Variants in PRR16 observed in about 807,000 individuals in gnomAD.
The protein encoded by PRR16 is protein Largen.
PRR16 carries 6 observed loss-of-function variants against 18.2 expected under a neutral mutation model. The ratio of observed to expected loss-of-function variants is 0.33; its 90% confidence interval spans 0.18 to 0.65. The LOEUF is 0.65. Among genes scored for constraint, PRR16 ranks in the 30% least tolerant of loss-of-function variants. The pLI is 0.74. For missense variants in PRR16, 412 were observed against 376.6 expected, an observed-to-expected ratio of 1.09 and a Z score of -0.78; for synonymous variants, 151 against 147.8, an observed-to-expected ratio of 1.02 and a Z score of -0.16.
intron 1 of PRR16, among the ~76,000 whole-genome samples, chr5:120,539,559 G>T (rs1283025155): frequency 6.6e-6 from 1 of 151,910 alleles, no homozygotes; most frequent in Non-Finnish European, 1.5e-5. Flanking sequence ...AACCTATCGG[G>T]TATTATACTG....
chr5:120,743,431 T>A, the PRR16 span, among the ~76,000 whole-genome samples: 2 of 152,154 alleles, frequency 1.3e-5, no homozygotes, highest in Non-Finnish European at 2.9e-5. Context: ...TGTGAATGTC[T>A]GCTTAGTTGG....
intron 1 of PRR16, among the ~76,000 whole-genome samples, chr5:120,530,486 T>C (rs1751516575): frequency 6.6e-6 from 1 of 151,588 alleles, no homozygotes; most frequent in African/African-American, 2.4e-5. Context: ...CTCTGTGTAC[T>C]TTTTGTAGTC....
At chr5:120,581,911 T>G (rs1753285363) in intron 1 of PRR16, among the ~76,000 whole-genome samples, 1 of 152,176 alleles carries the variant, frequency 6.6e-6, no homozygotes, top group African/African-American at 2.4e-5. Flanking sequence ...TCTTTTGCAT[T>G]TGCTGAATTT....
At chr5:120,509,059 T>C (rs1225481812) in intron 1 of PRR16, among the ~76,000 whole-genome samples, 1 of 152,164 alleles carries the variant, frequency 6.6e-6, no homozygotes, top group Non-Finnish European at 1.5e-5. Context: ...ATAGGTTGTT[T>C]AGATTATATA....
chr5:120,554,201 G>A (rs1305642407), intron 1 of PRR16, among the ~76,000 whole-genome samples: 1 of 151,794 alleles, frequency 6.6e-6, no homozygotes, highest in Non-Finnish European at 1.5e-5. Context: ...CACCTTGGGA[G>A]GATATTTGCC....
At chr5:120,700,011 T>A in the PRR16 span, among the ~76,000 whole-genome samples, 9,103 of 152,176 alleles carry the variant, frequency 0.06, 333 homozygotes, top group South Asian at 0.086. Flanking sequence ...GGGTCAGTCC[T>A]AGTGAAAGCG....
intron 1 of PRR16, among the ~76,000 whole-genome samples, chr5:120,491,911 T>C (rs1022813131): frequency 6.6e-6 from 1 of 152,188 alleles, no homozygotes; most frequent in Non-Finnish European, 1.5e-5. Context: ...AAGGAAATTA[T>C]GTCACTTCCC....
intron 1 of PRR16, among the ~76,000 whole-genome samples, chr5:120,589,924 G>A (rs1461608983): frequency 6.6e-6 from 1 of 152,054 alleles, no homozygotes; most frequent in East Asian, 1.9e-4. Context: ...GAATTTGCTT[G>A]CCAAGAAGAT....
intron 1 of PRR16, among the ~76,000 whole-genome samples, chr5:120,482,582 G>A (rs1258153901): frequency 6.6e-6 from 1 of 152,050 alleles, no homozygotes; most frequent in East Asian, 1.9e-4. Context: ...ATAGTGATGC[G>A]ATGAACATAT....
the PRR16 span, among the ~76,000 whole-genome samples, chr5:120,724,523 T>A: frequency 1.3e-5 from 2 of 152,090 alleles, no homozygotes; most frequent in East Asian, 3.9e-4. Flanking sequence ...AGCTACTGAT[T>A]TTACATGATT....
intron 1 of PRR16, 91 bp from the exon 2 acceptor site, chr5:120,685,863 A>G (rs930488455): frequency 9.9e-6 from 13 of 1,314,474 alleles, no homozygotes; most frequent in Non-Finnish European, 1.4e-5. Flanking sequence ...TAAGGCTTCC[A>G]TAGCAGATTT....
chr5:120,511,046 GC>G (rs1032603543), intron 1 of PRR16, among the ~76,000 whole-genome samples: 1 of 152,070 alleles, frequency 6.6e-6, no homozygotes, highest in African/African-American at 2.4e-5. Context: ...GTCTCTTAGG[GC>G]TCCATACACA....
intron 1 of PRR16, among the ~76,000 whole-genome samples, chr5:120,552,019 G>A (rs1752269369): frequency 6.6e-6 from 1 of 151,946 alleles, no homozygotes; most frequent in Non-Finnish European, 1.5e-5. Flanking sequence ...ATAGAAGTGA[G>A]TGTTAGACAT....
chr5:120,554,139 G>C (rs1223617803), intron 1 of PRR16, among the ~76,000 whole-genome samples: 1 of 151,906 alleles, frequency 6.6e-6, no homozygotes, highest in Non-Finnish European at 1.5e-5. Flanking sequence ...GAAAGAACCA[G>C]ATGCGTAGGC....
At chr5:120,551,705 G>T (rs1030829204) in intron 1 of PRR16, among the ~76,000 whole-genome samples, 2 of 151,980 alleles carry the variant, frequency 1.3e-5, no homozygotes, top group African/African-American at 4.8e-5. Context: ...TGATGAACAT[G>T]CTGAAGAGAA....
At chr5:120,582,854 T>C (rs1338813604) in intron 1 of PRR16, among the ~76,000 whole-genome samples, 3 of 151,796 alleles carry the variant, frequency 2.0e-5, no homozygotes, top group South Asian at 4.2e-4. Flanking sequence ...CAGATCTACA[T>C]TGATTATTTA....
intron 1 of PRR16, among the ~76,000 whole-genome samples, chr5:120,511,677 A>G (rs1750831583): frequency 6.6e-6 from 1 of 152,198 alleles, no homozygotes. Context: ...TTATTTTGAG[A>G]GTTCTTAGTG....
At chr5:120,781,934 A>T in the PRR16 span, among the ~76,000 whole-genome samples, 2 of 152,264 alleles carry the variant, frequency 1.3e-5, no homozygotes, top group Admixed American at 1.3e-4. Flanking sequence ...TAAAAATTCT[A>T]TTTTTCTAGG....
chr5:120,627,764 C>T (rs940408403), intron 1 of PRR16, among the ~76,000 whole-genome samples: 12 of 152,066 alleles, frequency 7.9e-5, no homozygotes, highest in African/African-American at 2.7e-4. Context: ...ATTCTTCCCC[C>T]AAAATATTCT....
Sources: gnomAD v4.1 joint callset for allele counts (sites outside exome capture counted in the v4.1 genomes callset) on GRCh38, gnomAD v4.1.1 for gene constraint, MANE v1.5 for transcripts, NCBI Gene and HGNC (gene_info 2026-07-23, HGNC 2026-07-21) for gene names.